SNTB1: variants seen among roughly 807,000 people sequenced by gnomAD.
The protein encoded by SNTB1 is syntrophin beta 1, also known as beta-1-syntrophin.
Under a neutral mutation model 48.9 loss-of-function variants are expected in SNTB1, and 36 were observed. The observed-to-expected ratio is 0.74, with a 90% CI of 0.56 to 0.97. The LOEUF is 0.97. Among genes scored for constraint, SNTB1 ranks in the 50% least tolerant of loss-of-function variants. The pLI is 0.00. For synonymous variants in SNTB1, 299 were observed against 294.6 expected (o/e 1.01, Z -0.15); for missense variants, 786 against 703.4 (o/e 1.12, Z -1.33).
intron 1 of SNTB1, among the ~76,000 whole-genome samples, chr8:120,754,944 A>T (rs2130045352): frequency 6.6e-6 from 1 of 152,340 alleles, no homozygotes; most frequent in South Asian, 2.1e-4. Context: ...AACATTTAAA[A>T]AAGACACAAT....
intron 1 of SNTB1, among the ~76,000 whole-genome samples, chr8:120,748,945 A>G (rs1819168308): frequency 6.6e-6 from 1 of 152,202 alleles, no homozygotes; most frequent in African/African-American, 2.4e-5. Context: ...AATACTACCA[A>G]CCTTGTAGTG....
intron 1 of SNTB1, among the ~76,000 whole-genome samples, chr8:120,804,686 T>G (rs1820297757): frequency 6.6e-6 from 1 of 152,134 alleles, no homozygotes; most frequent in African/African-American, 2.4e-5. Flanking sequence ...GCTTAAAACT[T>G]TACCCTCAAT....
intron 2 of SNTB1, among the ~76,000 whole-genome samples, chr8:120,657,971 A>G (rs1039369871): frequency 3.3e-5 from 5 of 152,248 alleles, no homozygotes; most frequent in Non-Finnish European, 7.3e-5. Context: ...TCATCATTCT[A>G]TTCTCAATAA....
chr8:120,788,283 C>G (rs116009982), intron 1 of SNTB1, among the ~76,000 whole-genome samples: 22 of 152,126 alleles, frequency 1.4e-4, no homozygotes, highest in African/African-American at 4.8e-4. Context: ...CTCCTGAAAG[C>G]TTAAAATTAA....
At chr8:120,586,809 C>T (rs1480581410) in intron 3 of SNTB1, among the ~76,000 whole-genome samples, 1 of 152,134 alleles carries the variant, frequency 6.6e-6, no homozygotes, top group East Asian at 1.9e-4. Flanking sequence ...GCTTTAAAAT[C>T]CCTCCCTTGT....
At chr8:120,761,540 C>CT (rs1819419052) in intron 1 of SNTB1, among the ~76,000 whole-genome samples, 1 of 152,140 alleles carries the variant, frequency 6.6e-6, no homozygotes, top group Non-Finnish European at 1.5e-5. Context: ...ACATACATAC[C>CT]TAACCACAGT....
chr8:120,756,340 T>C (rs1819317392), intron 1 of SNTB1, among the ~76,000 whole-genome samples: 3 of 152,118 alleles, frequency 2.0e-5, no homozygotes, highest in Admixed American at 2.0e-4. Flanking sequence ...TTTCAATGGA[T>C]GGATGGACAG....
intron 2 of SNTB1, among the ~76,000 whole-genome samples, chr8:120,645,123 C>A (rs1395719248): frequency 4.6e-5 from 7 of 151,210 alleles, no homozygotes; most frequent in Non-Finnish European, 5.9e-5. Flanking sequence ...TGCCTGTTCA[C>A]TCTGATGGTA....
chr8:120,560,125 C>T (rs889588648), intron 4 of SNTB1, among the ~76,000 whole-genome samples: 4 of 152,222 alleles, frequency 2.6e-5, no homozygotes, highest in Admixed American at 6.5e-5. Flanking sequence ...CACTCTCTAA[C>T]TCCCTGCATC....
At chr8:120,581,936 G>A (rs1816056170) in intron 3 of SNTB1, among the ~76,000 whole-genome samples, 1 of 152,068 alleles carries the variant, frequency 6.6e-6, no homozygotes, top group Non-Finnish European at 1.5e-5. Flanking sequence ...TTGGGAGGTT[G>A]AGGCAGGAGA....
intron 1 of SNTB1, among the ~76,000 whole-genome samples, chr8:120,698,497 AT>A (rs993894827): frequency 2.0e-5 from 3 of 151,814 alleles, no homozygotes; most frequent in Non-Finnish European, 4.4e-5. Context: ...AGGAGTCCTG[AT>A]TTTTTTTGAT....
At chr8:120,755,183 A>C (rs1362812269) in intron 1 of SNTB1, among the ~76,000 whole-genome samples, 2 of 143,214 alleles carry the variant, frequency 1.4e-5, no homozygotes, top group South Asian at 2.3e-4. Context: ...AGAGAGAGAG[A>C]GAGAGCGAGA....
At chr8:120,571,620 C>G (rs1454027902) in intron 4 of SNTB1, among the ~76,000 whole-genome samples, 4 of 151,260 alleles carry the variant, frequency 2.6e-5, no homozygotes. Flanking sequence ...GGCTCAGCCT[C>G]CTGAGCAGCT....
At chr8:120,635,851 G>T in intron 2 of SNTB1, 1 of 339,890 alleles carries the variant, frequency 2.9e-6, no homozygotes, top group South Asian at 3.4e-5. Flanking sequence ...TCTTCATTTT[G>T]AAAAATAGTT....
At chr8:120,663,900 A>T (rs1817632724) in intron 2 of SNTB1, among the ~76,000 whole-genome samples, 1 of 152,200 alleles carries the variant, frequency 6.6e-6, no homozygotes, top group South Asian at 2.1e-4. Context: ...GCATTCTATT[A>T]TGACAGTTTT....
intron 3 of SNTB1, among the ~76,000 whole-genome samples, chr8:120,616,479 T>TG (rs1554648036): frequency 2.9e-5 from 4 of 137,372 alleles, no homozygotes; most frequent in African/African-American, 8.3e-5. Context: ...TAAAAAAAGT[T>TG]TTTTTTTTTT....
intron 1 of SNTB1, among the ~76,000 whole-genome samples, chr8:120,717,105 C>G (rs1295552471): frequency 6.6e-6 from 1 of 152,178 alleles, no homozygotes; most frequent in Non-Finnish European, 1.5e-5. Flanking sequence ...AAAGGTGGTT[C>G]AGACTTCCTC....
intron 2 of SNTB1, among the ~76,000 whole-genome samples, chr8:120,658,953 T>C (rs750297847): frequency 6.6e-6 from 1 of 152,084 alleles, no homozygotes; most frequent in Non-Finnish European, 1.5e-5. Context: ...ACAAAGTTTA[T>C]GTGATATTCT....
intron 3 of SNTB1, among the ~76,000 whole-genome samples, chr8:120,601,035 G>A (rs1816413614): frequency 6.6e-6 from 1 of 152,180 alleles, no homozygotes; most frequent in Non-Finnish European, 1.5e-5. Context: ...AGAGCTTGGT[G>A]CCCAGCAGAC....
Sources: allele counts gnomAD v4.1 joint callset (sites outside exome capture counted in the v4.1 genomes callset), GRCh38; gene constraint gnomAD v4.1.1; transcripts MANE v1.5; gene names NCBI Gene and HGNC (gene_info 2026-07-23, HGNC 2026-07-21).